ARID1B: variants seen among roughly 807,000 people sequenced by gnomAD.
ARID1B encodes the protein AT-rich interactive domain-containing protein 1B.
Under a neutral mutation model 212.3 loss-of-function variants are expected in ARID1B, and 30 were observed. The observed-to-expected ratio is 0.14, with a 90% CI of 0.11 to 0.19. The LOEUF is 0.19. Ranked by LOEUF, ARID1B falls within the 10% of genes least tolerant of loss-of-function variation. The pLI is 1.00. For synonymous variants in ARID1B, 1,402 were observed against 1,301.7 expected (o/e 1.08, Z -1.66); for missense variants, 2,891 against 3,204.0 (o/e 0.90, Z 2.36).
intron 3 of ARID1B, among the ~76,000 whole-genome samples, chr6:156,910,175 A>T (rs1381558132): frequency 2.6e-5 from 4 of 152,216 alleles, no homozygotes; most frequent in Admixed American, 2.6e-4. Flanking sequence ...TAGAGGGTTT[A>T]GGTGATGATG....
intron 1 of ARID1B, among the ~76,000 whole-genome samples, chr6:156,812,985 T>TACGTACGTATGTATATACATATATATAC (rs1781677765): frequency 1.9e-5 from 2 of 106,390 alleles, no homozygotes; most frequent in Non-Finnish European, 4.0e-5. Context: ...TGTATGTATA[T>TACGTACGTATGTATATACATATATATAC]ACATACGTAT....
chr6:157,053,287 G>C (rs372596707), intron 4 of ARID1B, among the ~76,000 whole-genome samples: 1 of 151,990 alleles, frequency 6.6e-6, no homozygotes, highest in Non-Finnish European at 1.5e-5. Context: ...TGGTTTCACC[G>C]TGTTGCCAGG....
intron 4 of ARID1B, among the ~76,000 whole-genome samples, chr6:156,949,110 T>C (rs571466154): frequency 1.3e-5 from 2 of 152,358 alleles, no homozygotes; most frequent in Admixed American, 6.5e-5. Context: ...CCCAACCCTT[T>C]TGTGAACACC....
At chr6:156,984,448 G>C (rs1777800883) in intron 4 of ARID1B, among the ~76,000 whole-genome samples, 1 of 152,204 alleles carries the variant, frequency 6.6e-6, no homozygotes, top group Non-Finnish European at 1.5e-5. Flanking sequence ...AAGTGAAAAT[G>C]TCCTAGGACC....
intron 4 of ARID1B, among the ~76,000 whole-genome samples, chr6:157,070,439 A>G (rs565740498): frequency 3.3e-4 from 51 of 152,330 alleles, no homozygotes; most frequent in Middle Eastern, 3.4e-3. Flanking sequence ...AAAAATCTTC[A>G]ATAAAAGTTA....
chr6:157,091,707 T>C (rs972775838), intron 5 of ARID1B, among the ~76,000 whole-genome samples: 4 of 152,158 alleles, frequency 2.6e-5, no homozygotes, highest in Admixed American at 6.5e-5. Flanking sequence ...GAGTTTTAGG[T>C]CTCTTAGGGC....
At chr6:156,917,478 G>T (rs1393925469) in intron 3 of ARID1B, among the ~76,000 whole-genome samples, 5 of 152,084 alleles carry the variant, frequency 3.3e-5, no homozygotes, top group Non-Finnish European at 1.5e-5. Context: ...TGATTCTAGT[G>T]TTGTGAGGCT....
chr6:156,806,089 G>A (rs865957733), intron 1 of ARID1B, among the ~76,000 whole-genome samples: 9 of 152,236 alleles, frequency 5.9e-5, no homozygotes, highest in South Asian at 4.2e-4. Context: ...ACTAAATTAG[G>A]TTTAATGGTG....
intron 3 of ARID1B, among the ~76,000 whole-genome samples, chr6:156,917,686 A>C (rs1192134142): frequency 1.3e-5 from 2 of 152,202 alleles, no homozygotes; most frequent in African/African-American, 2.4e-5. Context: ...GAGCATATTA[A>C]TTATGGTGGG....
At chr6:156,806,526 T>A (rs1051836814) in intron 1 of ARID1B, among the ~76,000 whole-genome samples, 6 of 152,260 alleles carry the variant, frequency 3.9e-5, no homozygotes, top group African/African-American at 1.4e-4. Context: ...AATACTACTT[T>A]ACAGATGATT....
intron 16 of ARID1B, chr6:157,198,529 A>G (rs550442597): frequency 2.5e-6 from 1 of 399,492 alleles, no homozygotes; most frequent in Non-Finnish European, 4.6e-6. Context: ...GGCTCTAACA[A>G]GTGCTTACAG....
At chr6:157,053,079 A>T (rs1012318084) in intron 4 of ARID1B, among the ~76,000 whole-genome samples, 1 of 148,070 alleles carries the variant, frequency 6.8e-6, no homozygotes, top group Non-Finnish European at 1.5e-5. Flanking sequence ...GAATTATTTT[A>T]TTGATTGATT....
Position 156,778,733 on chromosome 6 carries a change from C to T in ARID1B, c.1053C>T (p.Ser351=), listed in dbSNP as rs1778889289. ...QQSPGMGMMH[S]ASAAAAGAPG... is the part of the protein sequence containing the mutation. ...GCCCCGGGATGGGGATGATGCACTC[C>T]GCCTCCGCCGCCGCCGCCGGGGCCC... is the stretch of plus-strand genomic sequence containing the variant. The change falls in exon 1 of 20, where the codon TCC becomes TCT. Residue 351 remains serine (S), a synonymous_variant. Transcript: ENST00000636930. 2.0e-6 allele frequency: 3 copies of T among 1,524,894 alleles called. No homozygotes were observed. Among genetic ancestry groups the T allele is most frequent in the Non-Finnish European group, 2.6e-6 (3 of 1,134,428 alleles). The allele number at this position is 1,524,894 out of a possible 1,614,324, so 94.5% of individuals were successfully genotyped here.
chr6:156,949,443 A>G (rs1214652966), intron 4 of ARID1B, among the ~76,000 whole-genome samples: 2 of 152,222 alleles, frequency 1.3e-5, no homozygotes, highest in African/African-American at 4.8e-5. Flanking sequence ...TGTCCACTGA[A>G]TGTCAATTTC....
intron 4 of ARID1B, among the ~76,000 whole-genome samples, chr6:156,989,704 C>T (rs1029918962): frequency 6.6e-6 from 1 of 152,172 alleles, no homozygotes; most frequent in Non-Finnish European, 1.5e-5. Context: ...TTCCCCTTGA[C>T]TTCAGTATTG....
At chr6:157,036,235 T>G (rs747688710) in intron 4 of ARID1B, 2 of 152,288 alleles carry the variant, frequency 1.3e-5, no homozygotes, top group African/African-American at 2.4e-5. Flanking sequence ...TTAAAATTCA[T>G]GTTAATGAGC....
At chr6:157,039,899 C>CTTCCTTCT (rs2128521978) in intron 4 of ARID1B, among the ~76,000 whole-genome samples, 2 of 131,412 alleles carry the variant, frequency 1.5e-5, no homozygotes, top group Non-Finnish European at 1.6e-5. Context: ...TCCTTCCTTC[C>CTTCCTTCT]TTCCTTCCTT....
At chr6:157,153,732 C>G (rs994517357) in intron 8 of ARID1B, among the ~76,000 whole-genome samples, 1 of 152,134 alleles carries the variant, frequency 6.6e-6, no homozygotes, top group Non-Finnish European at 1.5e-5. Context: ...AATTCCTGGG[C>G]TCAAGCAATT....
rs1219094194 is a variant in ARID1B, at chr6:157,201,531, C to G, written c.5263+43C>G. On this transcript the variant is annotated intron_variant, in intron 18 of 19. Coordinates refer to ENST00000636930, the MANE Select transcript of ARID1B (RefSeq NM_001374828.1). This position sits in a 1 kb window ranked among gnomAD's most constrained non-coding sequence, Gnocchi z 5.2. ...TTCATTCTGAAATGAATTCCAGTTG[C>G]AGTGTAGAATTTTAATTTTAGTAAA... 6.7e-7 allele frequency: 1 copy of G among 1,484,826 alleles called. No homozygotes were observed. Among genetic ancestry groups the G allele is most frequent in the Non-Finnish European group, 9.0e-7 (1 of 1,116,928 alleles). 92.0% of individuals were successfully genotyped at this position (1,484,826 alleles called of 1,614,324 possible).
Sources: allele counts gnomAD v4.1 joint callset (sites outside exome capture counted in the v4.1 genomes callset), GRCh38; gene constraint gnomAD v4.1.1; non-coding constraint Gnocchi (gnomAD v3.1); transcripts MANE v1.5; gene names NCBI Gene and HGNC (gene_info 2026-07-23, HGNC 2026-07-21).